The following MN1 variants were observed in gnomAD, a reference collection of about 807,000 sequenced individuals.
The protein encoded by MN1 is MN1 proto-oncogene, transcriptional regulator.
Under a neutral mutation model 86.9 loss-of-function variants are expected in MN1, and 19 were observed. That is an observed-to-expected ratio of 0.22 (90% confidence interval 0.15 to 0.32). The LOEUF (loss-of-function observed/expected upper bound fraction) is 0.32, where lower values mean the gene tolerates loss of function less well. MN1 is among the 10% of genes least tolerant of loss of function. The pLI is 1.00. For synonymous variants in MN1, 928 were observed against 849.6 expected (o/e 1.09, Z -1.60); for missense variants, 1,841 against 1,862.0 (o/e 0.99, Z 0.21).
rs756370849 is a variant in MN1, at chr22:27,800,135, C to T, written c.409G>A (p.Gly137Ser). ...CTGCCCAGGCCTCCGGCTGCGCCGCCGTAGCCGAGCAGGCGACCCCCGTGC... is the reference window on the plus strand; with the variant it reads ...CTGCCCAGGCCTCCGGCTGCGCCGCTGTAGCCGAGCAGGCGACCCCCGTGC... ...CLHGGRLLGY[G>S]GAAGGLGSQP... is the part of the protein sequence containing the mutation. The change falls in exon 1 of 2, where the codon GGC (glycine) becomes AGC (serine). Residue 137 changes from glycine (G) to serine (S), a missense_variant. Transcript: ENST00000302326. 1.9e-5 allele frequency: 29 copies of T among 1,559,130 alleles called. No individual in the cohort carries two copies. The East Asian group carries it at 5.0e-4, about 27-fold the overall frequency.
chr22:27,753,073 C>T (rs1204456910), intron 1 of MN1, among the ~76,000 whole-genome samples: 1 of 152,236 alleles, frequency 6.6e-6, no homozygotes, highest in Admixed American at 6.5e-5. Context: ...CACCCTGGAG[C>T]CCCAGAGACA....
intron 1 of MN1, 80 bp downstream of exon 1, chr22:27,796,683 C>T: frequency 7.0e-7 from 1 of 1,433,374 alleles, no homozygotes; most frequent in Admixed American, 2.2e-5. Flanking sequence ...TCAAAGGACC[C>T]CAAAAGGCGA....
intron 1 of MN1, among the ~76,000 whole-genome samples, chr22:27,783,075 A>T (rs943541034): frequency 1.3e-4 from 20 of 151,728 alleles, no homozygotes; most frequent in African/African-American, 4.8e-4. Context: ...CCTCCACAAG[A>T]GGAAGGGAAC....
chr22:27,797,155 G>A lies in MN1; in HGVS notation c.3389C>T (p.Pro1130Leu). ...CGGGGTGCGGACCTGCTCCAGGCCCGGAGTGCCCGGATGGCCCGGGCCCCC... is the reference window on the plus strand; with the variant it reads ...CGGGGTGCGGACCTGCTCCAGGCCCAGAGTGCCCGGATGGCCCGGGCCCCC... ...GGGGPGHPGT[P>L]GLEQVRTPTS... Residue 1130 changes from proline to leucine, a missense_variant, in exon 1 of 2, where the codon CCG becomes CTG. Pro to Leu is a moderately conservative substitution (Grantham distance 98, BLOSUM62 -3). Transcript: ENST00000302326. 1 of 1,564,624 alleles carries A rather than the reference G, an allele frequency of 6.4e-7. No individual in the cohort carries two copies. Among genetic ancestry groups the A allele is most frequent in the Non-Finnish European group, 8.6e-7 (1 of 1,157,862 alleles).
chr22:27,774,644 T>G (rs1286331528), intron 1 of MN1, among the ~76,000 whole-genome samples: 1 of 152,166 alleles, frequency 6.6e-6, no homozygotes, highest in Non-Finnish European at 1.5e-5. Flanking sequence ...TAATGTGCAC[T>G]GAAGTTTCCC....
At position 27,799,482 on chromosome 22, in the gene MN1, C is replaced by T; in HGVS notation, c.1062G>A (p.Gln354=). Residue 354 remains glutamine (Q), a synonymous_variant, in exon 1 of 2, where the codon CAG becomes CAA. Coordinates refer to ENST00000302326, the MANE Select transcript of MN1 (RefSeq NM_002430.3). ...GCGGCGGCTGCTGCTGTGGCGGCTG[C>T]TGCGGGGGCTGCTGCTGAGGGGGTG... ...APPPPQQQPP[Q]QPPQQQPPPP... The T allele has an allele frequency of 6.9e-7, 1 of 1,453,774 alleles. No individual in the cohort carries two copies. 90.1% of individuals were successfully genotyped at this position (1,453,774 alleles called of 1,614,324 possible).
Position 27,800,382 on chromosome 22 carries a change from C to A in MN1, c.162G>T (p.Ala54=). The stretch of plus-strand genomic sequence containing the variant: ...TGCCCAAGATCGGGGGTTCGCCCAG[C>A]GCGCTCATAGCAGGATCCACAGGGC... The part of the protein sequence containing the change: ...PPGPVDPAMS[A]LGEPPILGMN... Residue 54 remains alanine, a synonymous_variant, in exon 1 of 2, where the codon GCG becomes GCT. Coordinates refer to ENST00000302326, the MANE Select transcript of MN1 (RefSeq NM_002430.3). The A allele has an allele frequency of 1.9e-6, 3 of 1,611,876 alleles. No individual in the cohort carries two copies. The highest frequency in any genetic ancestry group is 1.7e-4 in the Middle Eastern group (1 of 6,050).
At chr22:27,755,802 G>A (rs1601322271) in intron 1 of MN1, among the ~76,000 whole-genome samples, 3 of 152,178 alleles carry the variant, frequency 2.0e-5, no homozygotes, top group Admixed American at 2.0e-4. Context: ...TTAAGGGAAG[G>A]AGAGAACCAG....
intron 1 of MN1, among the ~76,000 whole-genome samples, chr22:27,790,770 A>T (rs1933200648): frequency 6.6e-6 from 1 of 152,156 alleles, no homozygotes; most frequent in African/African-American, 2.4e-5. Flanking sequence ...GAACTCAGCC[A>T]GAGAGACACC....
In MN1 at chr22:27,797,866, G is replaced by C; in HGVS notation, c.2678C>G (p.Pro893Arg). 1.3e-6 allele frequency: 2 copies of C among 1,587,854 alleles called. No individual in the cohort carries two copies. Among genetic ancestry groups the C allele is most frequent in the South Asian group, 1.1e-5 (1 of 88,508 alleles). The change falls in exon 1 of 2, where the codon CCG becomes CGG. Residue 893 changes from proline to arginine, a missense_variant. By Grantham distance (103) the Pro-to-Arg change is moderately radical. Coordinates refer to ENST00000302326, the MANE Select transcript of MN1 (RefSeq NM_002430.3). ...GGAGCCGCTGCTACTGGTCCCGGAC[G>C]GGCCTCCGGGTCCTGGGGCCCCAGG... is the stretch of plus-strand genomic sequence containing the variant. ...TAPGAPGPGG[P>R]SGTSSSGSKA...
intron 1 of MN1, among the ~76,000 whole-genome samples, chr22:27,781,938 G>A (rs942664714): frequency 6.6e-6 from 1 of 152,160 alleles, no homozygotes; most frequent in Non-Finnish European, 1.5e-5. Flanking sequence ...TGAGTTGCCA[G>A]ACGCAGGGGT....
chr22:27,767,523 G>A (rs1003778027), intron 1 of MN1, among the ~76,000 whole-genome samples: 2 of 152,078 alleles, frequency 1.3e-5, no homozygotes, highest in African/African-American at 4.8e-5. Context: ...CTGTAATAAA[G>A]ACAAAAATGC....
chr22:27,779,468 G>C (rs1933023147), intron 1 of MN1, among the ~76,000 whole-genome samples: 1 of 152,218 alleles, frequency 6.6e-6, no homozygotes, highest in African/African-American at 2.4e-5. Flanking sequence ...CGGCCATGAG[G>C]AGGCAAGACA....
At position 27,750,965 on chromosome 22, in the gene MN1, G is replaced by A; in HGVS notation, c.3913C>T (p.His1305Tyr). The A allele has an allele frequency of 6.2e-7, 1 of 1,612,380 alleles. No individual in the cohort carries two copies. The highest frequency in any genetic ancestry group is 8.5e-7 in the Non-Finnish European group (1 of 1,179,076). Reference sequence around the variant, plus strand: ...CCAAATCTGTTGGAGATGTCAGAATGCAGGGACCGCCAGGTGGGCACGGAG... The same window carrying A: ...CCAAATCTGTTGGAGATGTCAGAATACAGGGACCGCCAGGTGGGCACGGAG... ...RASVPTWRSL[H>Y]SDISNRFGTF... is the part of the protein sequence containing the mutation. The change falls in exon 2 of 2, where the codon CAT (histidine) becomes TAT (tyrosine). Residue 1305 changes from histidine to tyrosine, a missense_variant. Physicochemically the swap from His to Tyr is moderately conservative, Grantham distance 83. Transcript: ENST00000302326.
At chr22:27,762,386 C>T (rs1489855529) in intron 1 of MN1, among the ~76,000 whole-genome samples, 1 of 152,214 alleles carries the variant, frequency 6.6e-6, no homozygotes, top group African/African-American at 2.4e-5. Flanking sequence ...GGGGGCAATA[C>T]AAGCAAAGTG....
intron 1 of MN1, among the ~76,000 whole-genome samples, chr22:27,756,916 C>T (rs942635885): frequency 6.6e-6 from 1 of 151,980 alleles, no homozygotes; most frequent in African/African-American, 2.4e-5. Context: ...CTACCACACT[C>T]GGCTAATTTT....
rs1933448071 is a variant in MN1, at chr22:27,801,731, C to A, written c.-1188G>T. On this transcript the variant is annotated 5_prime_UTR_variant, in exon 1 of 2. Coordinates refer to ENST00000302326, the MANE Select transcript of MN1 (RefSeq NM_002430.3). ...GGCTCCCCTCTCTGTGTCTGCCTCT[C>A]GCCCAGCGCCGGGAGAAGCAGCAAC... Among the ~76,000 whole-genome samples the A allele has an allele frequency of 6.6e-6, 1 of 152,232 alleles. No individual in the cohort carries two copies. The highest frequency in any genetic ancestry group is 6.5e-5 in the Admixed American group (1 of 15,294).
At chr22:27,792,317 C>CATATATATATATATATATAT (rs36207111) in intron 1 of MN1, among the ~76,000 whole-genome samples, 2 of 114,046 alleles carry the variant, frequency 1.8e-5, no homozygotes, top group Admixed American at 9.4e-5. Context: ...ATAAAAATTG[C>CATATATATATATATATATAT]ATATATATAT....
At chr22:27,754,325 G>A (rs1932788633) in intron 1 of MN1, among the ~76,000 whole-genome samples, 1 of 152,170 alleles carries the variant, frequency 6.6e-6, no homozygotes, top group Non-Finnish European at 1.5e-5. Context: ...GGCATCCCAG[G>A]CACACAACTG....
Sources: allele counts gnomAD v4.1 joint callset (sites outside exome capture counted in the v4.1 genomes callset), GRCh38; gene constraint gnomAD v4.1.1; transcripts MANE v1.5; gene names NCBI Gene and HGNC (gene_info 2026-07-23, HGNC 2026-07-21).